Variants in SPOCK1 observed in about 807,000 individuals in gnomAD.
SPOCK1 encodes SPARC (osteonectin), cwcv and kazal like domains proteoglycan 1.
SPOCK1 carries 23 observed loss-of-function variants against 55.3 expected under a neutral mutation model. The observed-to-expected ratio is 0.42, with a 90% CI of 0.30 to 0.59. The LOEUF is 0.59. Ranked by LOEUF, SPOCK1 falls within the 20% of genes least tolerant of loss-of-function variation. SPOCK1 has a pLI of 0.22. For synonymous variants in SPOCK1, 226 were observed against 221.0 expected (o/e 1.02, Z -0.20); for missense variants, 499 against 552.5 (o/e 0.90, Z 0.97).
chr5:137,397,552 G>A (rs916696295), intron 2 of SPOCK1, among the ~76,000 whole-genome samples: 5 of 152,030 alleles, frequency 3.3e-5, no homozygotes, highest in Non-Finnish European at 5.9e-5. Flanking sequence ...TTGTCCTCTC[G>A]CTCCTCACAA....
chr5:136,988,030 C>G (rs1750877017), intron 8 of SPOCK1, among the ~76,000 whole-genome samples: 1 of 152,160 alleles, frequency 6.6e-6, no homozygotes, highest in South Asian at 2.1e-4. Flanking sequence ...GAGAAACTGA[C>G]AAGTGACTTT....
chr5:137,173,178 A>C (rs1457571133), intron 3 of SPOCK1, among the ~76,000 whole-genome samples: 3 of 152,072 alleles, frequency 2.0e-5, no homozygotes, highest in Non-Finnish European at 4.4e-5. Flanking sequence ...ACATGGTCTG[A>C]ACTCAACACG....
At chr5:137,320,529 C>A (rs1421487224) in intron 2 of SPOCK1, among the ~76,000 whole-genome samples, 1 of 152,172 alleles carries the variant, frequency 6.6e-6, no homozygotes, top group African/African-American at 2.4e-5. Context: ...TGCTGACAGA[C>A]TTAGAAAACT....
At chr5:137,242,143 A>C (rs1756294379) in intron 3 of SPOCK1, among the ~76,000 whole-genome samples, 1 of 152,208 alleles carries the variant, frequency 6.6e-6, no homozygotes, top group South Asian at 2.1e-4. Context: ...CGAGGCAGGC[A>C]GACCTCTTGA....
intron 5 of SPOCK1, among the ~76,000 whole-genome samples, chr5:137,086,676 C>G (rs1240043678): frequency 3.9e-5 from 6 of 152,186 alleles, no homozygotes; most frequent in Admixed American, 6.5e-5. Flanking sequence ...TCTGTGCAGC[C>G]CCTGTCACGT....
At chr5:136,993,195 A>G (rs1204076914) in intron 6 of SPOCK1, 4 of 152,334 alleles carry the variant, frequency 2.6e-5, no homozygotes, top group African/African-American at 4.8e-5. Context: ...CTTTCAGCCC[A>G]TCTATAACTA....
At chr5:137,116,837 C>G (rs886255578) in intron 4 of SPOCK1, among the ~76,000 whole-genome samples, 1 of 152,108 alleles carries the variant, frequency 6.6e-6, no homozygotes, top group African/African-American at 2.4e-5. Context: ...TTCCCAGAGC[C>G]AGCTCTTTCC....
chr5:137,221,836 T>A (rs1268252484), intron 3 of SPOCK1, among the ~76,000 whole-genome samples: 1 of 152,248 alleles, frequency 6.6e-6, no homozygotes, highest in Non-Finnish European at 1.5e-5. Context: ...ATGAAAATGA[T>A]GAATGAATAC....
chr5:137,430,611 C>T (rs554621409), intron 2 of SPOCK1, among the ~76,000 whole-genome samples: 3 of 152,194 alleles, frequency 2.0e-5, no homozygotes, highest in Non-Finnish European at 4.4e-5. Flanking sequence ...TTTTATCCAC[C>T]TCTCCTGGTA....
chr5:137,178,934 A>G (rs1754914469), intron 3 of SPOCK1, among the ~76,000 whole-genome samples: 1 of 152,218 alleles, frequency 6.6e-6, no homozygotes. Flanking sequence ...CACATCCCCA[A>G]GGACTAGCAC....
chr5:137,158,685 C>T (rs773848449), intron 3 of SPOCK1, among the ~76,000 whole-genome samples: 26 of 151,792 alleles, frequency 1.7e-4, no homozygotes, highest in Admixed American at 7.2e-4. Context: ...GAACACTCCA[C>T]AAAGTGCAGC....
chr5:137,378,013 T>A (rs1034859697), intron 2 of SPOCK1, among the ~76,000 whole-genome samples: 2 of 150,478 alleles, frequency 1.3e-5, no homozygotes, highest in Non-Finnish European at 3.0e-5. Context: ...GGTGCAATGT[T>A]GGCTCACCGC....
At chr5:137,388,698 C>T (rs1751647845) in intron 2 of SPOCK1, among the ~76,000 whole-genome samples, 1 of 152,196 alleles carries the variant, frequency 6.6e-6, no homozygotes, top group Non-Finnish European at 1.5e-5. Flanking sequence ...CTGGATGTGG[C>T]ATTCACACAT....
chr5:137,199,807 C>G (rs901247525), intron 3 of SPOCK1, among the ~76,000 whole-genome samples: 4 of 152,168 alleles, frequency 2.6e-5, no homozygotes, highest in South Asian at 2.1e-4. Context: ...CATGCCCAAC[C>G]TGGGTCCCTC....
intron 2 of SPOCK1, among the ~76,000 whole-genome samples, chr5:137,312,622 G>A (rs1489979308): frequency 6.6e-6 from 1 of 152,174 alleles, no homozygotes; most frequent in Non-Finnish European, 1.5e-5. Flanking sequence ...CAGCTGTCAG[G>A]AATCTGGGGT....
rs959234860 is a variant in SPOCK1, at chr5:137,143,717, G to A, written c.233-3023C>T. The stretch of plus-strand genomic sequence containing the variant: ...AATAATCAGTTTTCATAATAACAAA[G>A]AACCATAGTTAACACTCACTGAGTG... On this transcript the variant is annotated intron_variant, in intron 3 of 10. Transcript: ENST00000394945. Among the ~76,000 whole-genome samples, 149 of 152,142 alleles carry A rather than the reference G, an allele frequency of 9.8e-4. 1 individual carries two copies. The highest frequency in any genetic ancestry group is 8.5e-4 in the Non-Finnish European group (58 of 68,022).
chr5:137,292,599 T>A (rs1004243107), intron 2 of SPOCK1, among the ~76,000 whole-genome samples: 1 of 152,240 alleles, frequency 6.6e-6, no homozygotes, highest in South Asian at 2.1e-4. Flanking sequence ...AGGACAGAAC[T>A]AGTGCATAGC....
intron 3 of SPOCK1, among the ~76,000 whole-genome samples, chr5:137,181,887 A>T (rs1474918460): frequency 6.6e-6 from 1 of 152,232 alleles, no homozygotes; most frequent in Non-Finnish European, 1.5e-5. Context: ...ACTGCAGGGC[A>T]TGGTAGACAG....
chr5:137,162,839 G>T (rs752761739), intron 3 of SPOCK1, among the ~76,000 whole-genome samples: 2 of 152,186 alleles, frequency 1.3e-5, no homozygotes, highest in African/African-American at 2.4e-5. Context: ...TAAGAAAAGA[G>T]GACAGGAAAC....
Sources: gnomAD v4.1 joint callset for allele counts (sites outside exome capture counted in the v4.1 genomes callset) on GRCh38, gnomAD v4.1.1 for gene constraint, MANE v1.5 for transcripts, NCBI Gene and HGNC (gene_info 2026-07-23, HGNC 2026-07-21) for gene names.